DOCK8: variants seen among roughly 807,000 people sequenced by gnomAD.
DOCK8 encodes the protein dedicator of cytokinesis 8.
A neutral mutation model predicts 245.6 loss-of-function variants in DOCK8; 141 were observed. The ratio of observed to expected loss-of-function variants is 0.57; its 90% CI spans 0.50 to 0.66. The LOEUF is 0.66. DOCK8 is among the 30% of genes least tolerant of loss of function. The pLI is 0.00. For synonymous variants in DOCK8, 1,168 were observed against 970.2 expected (o/e 1.20, Z -3.79); for missense variants, 2,965 against 2,603.4 (o/e 1.14, Z -3.02).
Position 386,572 on chromosome 9 carries a change from C to T in DOCK8, c.2874+146C>T. On this transcript the variant is annotated intron_variant, in intron 23 of 47. Transcript: ENST00000432829. ...CACACACACCCCACACACACTTTTG[C>T]AGCCCTGTCCTTTACGCCACATTTG... The T allele has an allele frequency of 8.5e-6, 6 of 708,386 alleles. No individual in the cohort carries two copies. The East Asian group carries it at 1.7e-4, about 20-fold the overall frequency. The allele number at this position is 708,386 out of a possible 1,614,324, so 43.9% of individuals were successfully genotyped here. A position where few individuals can be genotyped will look rare whatever the true frequency, so the allele number is the denominator to read the frequency against.
At chr9:458,641 C>G (rs1438009969) in intron 46 of DOCK8, among the ~76,000 whole-genome samples, 1 of 151,962 alleles carries the variant, frequency 6.6e-6, no homozygotes, top group Admixed American at 6.6e-5. Flanking sequence ...AAAACCTCGT[C>G]TTTACAAAAA....
chr9:443,102 G>A (rs2057144493), intron 42 of DOCK8, among the ~76,000 whole-genome samples: 1 of 152,182 alleles, frequency 6.6e-6, no homozygotes, highest in African/African-American at 2.4e-5. Context: ...ATATGGGAAG[G>A]CTGGTGACTT....
At chr9:397,417 A>G (rs528342310) in intron 25 of DOCK8, among the ~76,000 whole-genome samples, 38 of 150,868 alleles carry the variant, frequency 2.5e-4, no homozygotes, top group African/African-American at 8.7e-4. Flanking sequence ...GGCTGGGTGC[A>G]GTGGCTCACA....
intron 14 of DOCK8, chr9:365,549 A>T: frequency 2.2e-6 from 1 of 447,410 alleles, no homozygotes; most frequent in Non-Finnish European, 4.4e-6. Flanking sequence ...ACTGCTAGTC[A>T]TAAAACTTAT....
In DOCK8 at chr9:289,577, C is replaced by G. The variant is rs369513990; in HGVS notation, c.400C>G (p.Arg134Gly). ...TYIREWLIVNRKNQGSPEICG... is the reference protein window; with the variant it reads ...TYIREWLIVNGKNQGSPEICG... ...CATCCGTGAGTGGCTAATCGTGAAC[C>G]GGAAGTAAGTTACTTTTTTTCCACT... Residue 134 changes from arginine (R) to glycine (G), a missense_variant, in exon 4 of 48, where the codon CGG becomes GGG. By Grantham distance (125) the Arg-to-Gly change is moderately radical. Around this residue, in one of 3 missense-constraint regions of DOCK8, gnomAD observed 2,825 missense variants for 2,453.5 expected, o/e 1.15. Transcript: ENST00000432829. 6.2e-7 allele frequency: 1 copy of G among 1,609,916 alleles called. No homozygotes were observed. Among genetic ancestry groups the G allele is most frequent in the Non-Finnish European group, 8.5e-7 (1 of 1,178,094 alleles).
intron 1 of DOCK8, among the ~76,000 whole-genome samples, chr9:217,669 C>A (rs1490912804): frequency 6.6e-6 from 1 of 152,104 alleles, no homozygotes; most frequent in African/African-American, 2.4e-5. Flanking sequence ...TAAGGACATA[C>A]CTAGTATTCA....
chr9:386,301 G>T, intron 22 of DOCK8, 30 bp from the exon 23 acceptor site: 1 of 1,592,770 alleles, frequency 6.3e-7, no homozygotes, highest in South Asian at 1.1e-5. Flanking sequence ...ATGGTTGGTT[G>T]ACTGTTAAGC....
chr9:359,193 T>C (rs2052599362), intron 14 of DOCK8, among the ~76,000 whole-genome samples: 1 of 152,232 alleles, frequency 6.6e-6, no homozygotes, highest in Non-Finnish European at 1.5e-5. Context: ...TCATAGTTTA[T>C]TTGGAGTAAC....
At position 355,395 on chromosome 9, in the gene DOCK8, G is replaced by A. The variant is rs530223762; in HGVS notation, c.1680-12623G>A. Among the ~76,000 whole-genome samples, 164 of 151,928 alleles carry A rather than the reference G, an allele frequency of 1.1e-3. 1 individual carries two copies. The highest frequency in any genetic ancestry group is 5.3e-4 in the Non-Finnish European group (36 of 67,958). On this transcript the variant is annotated intron_variant, in intron 14 of 47. Transcript: ENST00000432829. ...ATTTTTTGTATTTTAGTAGAGACTG[G>A]GTTTCACCTTGTTGGCCAGGATGGT... is the stretch of plus-strand genomic sequence containing the variant.
Position 450,101 on chromosome 9 carries a change from C to T in DOCK8, c.5961+174C>T, listed in dbSNP as rs542428808. Among the ~76,000 whole-genome samples the T allele has an allele frequency of 5.9e-5, 9 of 152,330 alleles. No homozygotes were observed. The East Asian group carries it at 1.7e-3, about 29-fold the overall frequency. ...GGTTTAGAAGACTTTTAGGAAACCT[C>T]TTCCCTTTCATGTAACAACCCCAGG... On this transcript the variant is annotated intron_variant, in intron 45 of 47. Transcript: ENST00000432829.
intron 23 of DOCK8, 110 bp from the exon 24 acceptor site, chr9:390,361 T>A: frequency 1.0e-6 from 1 of 997,522 alleles, no homozygotes; most frequent in Non-Finnish European, 1.6e-6. Flanking sequence ...GACACATGCT[T>A]CAGGAACGAA....
chr9:223,372 G>C (rs1231604064), intron 1 of DOCK8, among the ~76,000 whole-genome samples: 1 of 152,142 alleles, frequency 6.6e-6, no homozygotes, highest in African/African-American at 2.4e-5. Context: ...CTAAGCCCCA[G>C]AAATACAAAG....
intron 33 of DOCK8, among the ~76,000 whole-genome samples, chr9:423,195 T>C (rs1048150823): frequency 1.3e-5 from 2 of 152,064 alleles, no homozygotes; most frequent in Non-Finnish European, 2.9e-5. Context: ...AAAAAAATTA[T>C]AAAGAAATGA....
intron 5 of DOCK8, among the ~76,000 whole-genome samples, chr9:306,162 T>A (rs886681614): frequency 1.9e-4 from 29 of 152,350 alleles, no homozygotes; most frequent in African/African-American, 7.0e-4. Flanking sequence ...TCAGCTTCCA[T>A]GTGTCTTCAT....
chr9:301,719 G>C (rs1415665232), intron 4 of DOCK8, among the ~76,000 whole-genome samples: 1 of 152,048 alleles, frequency 6.6e-6, no homozygotes, highest in Non-Finnish European at 1.5e-5. Flanking sequence ...CTAAGTTGAG[G>C]GCCAAATCAA....
At chr9:374,498 G>C (rs933828875) in intron 18 of DOCK8, among the ~76,000 whole-genome samples, 1 of 105,942 alleles carries the variant, frequency 9.4e-6, no homozygotes, top group African/African-American at 3.7e-5. Flanking sequence ...GTCTTGCTCT[G>C]TCACTCAGGC....
At chr9:437,375 C>T (rs2056939494) in intron 39 of DOCK8, among the ~76,000 whole-genome samples, 1 of 152,222 alleles carries the variant, frequency 6.6e-6, no homozygotes, top group Non-Finnish European at 1.5e-5. Flanking sequence ...GAGATGCCTC[C>T]TTTCTAGCAG....
At chr9:400,985 TCCTCC>T in intron 26 of DOCK8, among the ~76,000 whole-genome samples, 1 of 75,904 alleles carries the variant, frequency 1.3e-5, no homozygotes, top group South Asian at 5.6e-4. Flanking sequence ...CATCACCACC[TCCTCC>T]ACCACCACCA....
At chr9:403,858 A>ATCTCTCTGTCTCTCTCTCTCTCTCTCTC (rs1554693888) in intron 26 of DOCK8, among the ~76,000 whole-genome samples, 6 of 83,978 alleles carry the variant, frequency 7.1e-5, no homozygotes, top group Non-Finnish European at 1.4e-4. Flanking sequence ...AAGACTCTGT[A>ATCTCTCTGTCTCTCTCTCTCTCTCTCTC]TCTCTCTCTC....
Sources: allele counts gnomAD v4.1 joint callset (sites outside exome capture counted in the v4.1 genomes callset), GRCh38; gene constraint gnomAD v4.1.1; regional missense constraint gnomAD v4.1.1; transcripts MANE v1.5; gene names NCBI Gene and HGNC (gene_info 2026-07-23, HGNC 2026-07-21).